TNRC18: variants seen among roughly 807,000 people sequenced by gnomAD.
The protein encoded by TNRC18 is trinucleotide repeat-containing gene 18 protein.
TNRC18 carries 69 observed loss-of-function variants against 226.7 expected under a neutral mutation model. The ratio of observed to expected loss-of-function variants is 0.30; its 90% CI spans 0.25 to 0.37. The LOEUF (loss-of-function observed/expected upper bound fraction) is 0.37, where lower values mean the gene tolerates loss of function less well. Ranked by LOEUF, TNRC18 falls within the 10% of genes least tolerant of loss-of-function variation. The pLI, the probability that TNRC18 is intolerant of heterozygous loss-of-function variation, is 1.00. For synonymous variants in TNRC18, 2,449 were observed against 1,927.6 expected (o/e 1.27, Z -7.09); for missense variants, 4,754 against 4,256.6 (o/e 1.12, Z -3.25).
At chr7:5,376,813 T>C (rs770976057) in intron 8 of TNRC18, 34 bp downstream of exon 8, 3 of 1,600,120 alleles carry the variant, frequency 1.9e-6, no homozygotes, top group Admixed American at 1.7e-5. Flanking sequence ...ATGGCCAGTC[T>C]GGCCCATGGT....
chr7:5,413,299 G>C (rs1280211626), intron 2 of TNRC18, among the ~76,000 whole-genome samples: 1 of 152,064 alleles, frequency 6.6e-6, no homozygotes, highest in Non-Finnish European at 1.5e-5. Context: ...CCAGTCCCCA[G>C]CCTGTCCTCA....
At chr7:5,330,767 G>A (rs541230770) in intron 19 of TNRC18, among the ~76,000 whole-genome samples, 133 of 152,182 alleles carry the variant, frequency 8.7e-4, no homozygotes, top group African/African-American at 2.5e-3. Flanking sequence ...TCCGCCTTCC[G>A]GGCTCAAGAG....
chr7:5,313,632 G>C lies in TNRC18; in HGVS notation c.7259C>G (p.Thr2420Ser), dbSNP rs1461883625. 1 of 1,604,560 alleles carries C rather than the reference G, an allele frequency of 6.2e-7. No individual in the cohort carries two copies. Among genetic ancestry groups the C allele is most frequent in the East Asian group, 2.2e-5 (1 of 44,626 alleles). The change falls in exon 27 of 30, where the codon ACC (threonine) becomes AGC (serine). Residue 2420 changes from threonine (T) to serine (S), a missense_variant. By Grantham distance (58) the Thr-to-Ser change is moderately conservative. Coordinates refer to ENST00000430969, the MANE Select transcript of TNRC18 (RefSeq NM_001080495.3). ...GATGAGGGGTGCTGGGGCCAGGGAG[G>C]TGGCAGGAGCTGGCAGCTCTGCAAA... is the stretch of plus-strand genomic sequence containing the variant. ...EPFAELPAPA[T>S]SLAPAPLITM...
chr7:5,387,728 C>A lies in TNRC18; in HGVS notation c.2096G>T (p.Arg699Leu). ...ARQKDSGGSG[R>L]LGPGLVDQER... Reference sequence around the variant, plus strand: ...CTGGTCTACCAGCCCAGGCCCCAGCCGGCCACTGCCGCCACTGTCCTTCTG... The same window carrying A: ...CTGGTCTACCAGCCCAGGCCCCAGCAGGCCACTGCCGCCACTGTCCTTCTG... The change falls in exon 5 of 30, where the codon CGG (arginine) becomes CTG (leucine). Residue 699 changes from arginine (R) to leucine (L), a missense_variant. By Grantham distance (102) the Arg-to-Leu change is moderately radical (BLOSUM62 -2). Transcript: ENST00000430969. 1 of 1,606,162 alleles carries A rather than the reference C, an allele frequency of 6.2e-7. No individual in the cohort carries two copies. The highest frequency in any genetic ancestry group is 8.5e-7 in the Non-Finnish European group (1 of 1,179,804).
rs749669243 is a variant in TNRC18 at position 5,357,296 on chromosome 7, C to T, written c.4834-20G>A. The T allele has an allele frequency of 1.3e-6, 2 of 1,597,642 alleles. No individual in the cohort carries two copies. Among genetic ancestry groups the T allele is most frequent in the Admixed American group, 3.5e-5 (2 of 57,638 alleles). On this transcript the variant is annotated intron_variant, in intron 15 of 29. Transcript: ENST00000430969. ...CTTTAGCTGGAGAGGGAAGGTGGGTCATGGGTTAAAAGATCTGACAAAACA... is the reference window on the plus strand; with the variant it reads ...CTTTAGCTGGAGAGGGAAGGTGGGTTATGGGTTAAAAGATCTGACAAAACA...
Position 5,371,013 on chromosome 7 carries a change from C to G in TNRC18, c.3581G>C (p.Gly1194Ala), listed in dbSNP as rs766723014. The change falls in exon 11 of 30, where the codon GGG becomes GCG. Residue 1194 changes from glycine (G) to alanine (A), a missense_variant. Transcript: ENST00000430969. ...AEAMATPSPAGGCGGGLLEAQ... is the reference protein window; with the variant it reads ...AEAMATPSPAAGCGGGLLEAQ... ...CTCCAACAGGCCACCTCCACAACCC[C>G]CTGCAGGGCTGGGGGTAGCCATGGC... 2 of 1,608,316 alleles carry G rather than the reference C, an allele frequency of 1.2e-6. No homozygotes were observed. Among genetic ancestry groups the G allele is most frequent in the East Asian group, 4.5e-5 (2 of 44,886 alleles).
chr7:5,419,391 C>T (rs1324304011), intron 2 of TNRC18, among the ~76,000 whole-genome samples: 1 of 152,206 alleles, frequency 6.6e-6, no homozygotes, highest in Non-Finnish European at 1.5e-5. Flanking sequence ...ACCCGGGTAC[C>T]GATTCCCAGG....
intron 9 of TNRC18, among the ~76,000 whole-genome samples, chr7:5,375,371 G>A (rs1044951222): frequency 5.3e-5 from 8 of 152,224 alleles, no homozygotes; most frequent in Middle Eastern, 3.4e-3. Context: ...AGGACAGGCC[G>A]CTCTCCCGAT....
rs180686765 is a variant in TNRC18, at chr7:5,401,941, C to T, written c.188-7346G>A. Reference sequence around the variant, plus strand: ...CTGTAATCCCAGCACTTTGGGAGGCCGAGGCGGGCAGCTCACAAGGTCAGC... The same window carrying T: ...CTGTAATCCCAGCACTTTGGGAGGCTGAGGCGGGCAGCTCACAAGGTCAGC... On this transcript the variant is annotated intron_variant, in intron 2 of 29. Coordinates refer to ENST00000430969, the MANE Select transcript of TNRC18 (RefSeq NM_001080495.3). Among the ~76,000 whole-genome samples the T allele has an allele frequency of 4.0e-3, 600 of 151,882 alleles. 5 individuals are homozygous for T. Among genetic ancestry groups the T allele is most frequent in the African/African-American group, 0.014 (577 of 41,416 alleles).
In TNRC18 at chr7:5,370,372, C is replaced by T. The variant is rs1794026634; in HGVS notation, c.4219+3G>A. 1.3e-6 allele frequency: 2 copies of T among 1,541,250 alleles called. No homozygotes were observed. Among genetic ancestry groups the T allele is most frequent in the Admixed American group, 3.9e-5 (2 of 50,820 alleles). The stretch of plus-strand genomic sequence containing the variant: ...GCAGAACTCAGAGGTCGCGCACTCT[C>T]ACCTCCCATCTCTTGGCTCCTCCTC... On this transcript the variant is annotated splice_donor_region_variant and intron_variant, in intron 11 of 29. Coordinates refer to ENST00000430969, the MANE Select transcript of TNRC18 (RefSeq NM_001080495.3).
At chr7:5,308,818 G>T (rs1786879484) in intron 29 of TNRC18, 57 bp downstream of exon 29, 8 of 1,534,312 alleles carry the variant, frequency 5.2e-6, no homozygotes, top group Admixed American at 3.9e-5. Flanking sequence ...TGTCTGAGCT[G>T]CCCGGAAGGA....
In TNRC18 at chr7:5,371,104, C is replaced by T. The variant is rs1039946002; in HGVS notation, c.3490G>A (p.Asp1164Asn). 1.2e-6 allele frequency: 2 copies of T among 1,612,534 alleles called. No individual in the cohort carries two copies. The highest frequency in any genetic ancestry group is 1.7e-6 in the Non-Finnish European group (2 of 1,179,656). ...AEREVKAEVE[D>N]MDEGPTELPP... ...AGCTCTGTGGGGCCCTCGTCCATGT[C>T]CTCCACCTCTGCCTTCACCTCCCGC... The change falls in exon 11 of 30, where the codon GAC becomes AAC. Residue 1164 changes from aspartate to asparagine, a missense_variant. Asp to Asn is a conservative substitution (Grantham distance 23). Transcript: ENST00000430969.
chr7:5,375,422 G>A (rs997420007), intron 9 of TNRC18, among the ~76,000 whole-genome samples: 8 of 152,208 alleles, frequency 5.3e-5, no homozygotes, highest in Admixed American at 1.3e-4. Context: ...ACTAGGCAAC[G>A]CTAGCATCTG....
intron 17 of TNRC18, among the ~76,000 whole-genome samples, chr7:5,347,872 T>G (rs1791363959): frequency 1.3e-5 from 2 of 150,984 alleles, no homozygotes; most frequent in African/African-American, 4.9e-5. Flanking sequence ...GAAGAATCAC[T>G]TGAACCCCGG....
At chr7:5,376,370 G>C in intron 8 of TNRC18, 146 bp from the exon 9 acceptor site, 1 of 756,128 alleles carries the variant, frequency 1.3e-6, no homozygotes, top group East Asian at 2.9e-5. Flanking sequence ...CTCCCCAGGG[G>C]CCAGGAAGTT....
intron 18 of TNRC18, among the ~76,000 whole-genome samples, chr7:5,344,160 C>CA (rs1433619016): frequency 6.6e-6 from 1 of 152,182 alleles, no homozygotes; most frequent in Admixed American, 6.5e-5. Context: ...GTATGAATAG[C>CA]AAGTGTAAAT....
At chr7:5,315,190 C>A (rs773210512) in intron 25 of TNRC18, 42 bp from the exon 26 acceptor site, 109 of 1,582,484 alleles carry the variant, frequency 6.9e-5, no homozygotes, top group Non-Finnish European at 9.1e-5. Context: ...GCCTGGGGTC[C>A]CCAGCTTGGA....
rs965911458 is a variant in TNRC18 at position 5,324,646 on chromosome 7, A to G, written c.6301-291T>C. Among the ~76,000 whole-genome samples, 10 of 152,244 alleles carry G rather than the reference A, an allele frequency of 6.6e-5. No individual in the cohort carries two copies. Among genetic ancestry groups the G allele is most frequent in the African/African-American group, 2.2e-4 (9 of 41,466 alleles). ...CCATACCTCAGTCCATCACTATGGC[A>G]GGTGCCTCCGTTCCCTTCTTAGAGA... On this transcript the variant is annotated intron_variant, in intron 20 of 29. Coordinates refer to ENST00000430969, the MANE Select transcript of TNRC18 (RefSeq NM_001080495.3). This position sits in a 1 kb window ranked among gnomAD's most constrained non-coding sequence, Gnocchi z 4.8.
At position 5,377,000 on chromosome 7, in the gene TNRC18, G is replaced by A. The variant is rs1779028719; in HGVS notation, c.2462-7C>T. ...AGAGATGGGGGACCCAAGCCTAGGAGGAGAAGCCCAGGCCTGAGTCAGTGC... is the reference window on the plus strand; with the variant it reads ...AGAGATGGGGGACCCAAGCCTAGGAAGAGAAGCCCAGGCCTGAGTCAGTGC... On this transcript the variant is annotated splice_region_variant and splice_polypyrimidine_tract_variant and intron_variant, in intron 7 of 29. Transcript: ENST00000430969. The A allele has an allele frequency of 6.4e-7, 1 of 1,572,696 alleles. No individual in the cohort carries two copies. Among genetic ancestry groups the A allele is most frequent in the Non-Finnish European group, 8.6e-7 (1 of 1,159,576 alleles).
Sources: gnomAD v4.1 joint callset for allele counts (sites outside exome capture counted in the v4.1 genomes callset) on GRCh38, gnomAD v4.1.1 for gene constraint, Gnocchi (gnomAD v3.1) non-coding constraint, MANE v1.5 for transcripts, NCBI Gene and HGNC (gene_info 2026-07-23, HGNC 2026-07-21) for gene names.